GPC6: variants seen among roughly 807,000 people sequenced by gnomAD.
GPC6 encodes the protein glypican 6.
Under a neutral mutation model 55.2 loss-of-function variants are expected in GPC6, and 14 were observed. That is an observed-to-expected ratio of 0.25 (90% CI 0.17 to 0.40). The LOEUF (loss-of-function observed/expected upper bound fraction) is 0.40, where lower values mean the gene tolerates loss of function less well. Among genes scored for constraint, GPC6 ranks in the 10% least tolerant of loss-of-function variants. GPC6 has a pLI of 1.00. For synonymous variants in GPC6, 278 were observed against 259.6 expected (o/e 1.07, Z -0.68); for missense variants, 641 against 708.5 (o/e 0.90, Z 1.08).
chr13:93,542,462 C>T (rs1362922565), intron 1 of GPC6, among the ~76,000 whole-genome samples: 1 of 152,130 alleles, frequency 6.6e-6, no homozygotes, highest in African/African-American at 2.4e-5. Context: ...TAGCGTGATG[C>T]CTCCAGCTTT....
rs190536194 is a variant in GPC6, at chr13:93,691,824, A to G, written c.320-138330A>G. ...ATGCCGTGATATATTGTTAAATTTA[A>G]CTTGTTCAGTAATCAAAAAATCATG... On this transcript the variant is annotated intron_variant, in intron 2 of 8. Coordinates refer to ENST00000377047, the MANE Select transcript of GPC6 (RefSeq NM_005708.5). Among the ~76,000 whole-genome samples the G allele has an allele frequency of 1.5e-3, 235 of 152,230 alleles. 1 individual carries two copies. Among genetic ancestry groups the G allele is most frequent in the Admixed American group, 7.9e-3 (121 of 15,286 alleles).
At chr13:93,662,626 T>C (rs1880972299) in intron 2 of GPC6, among the ~76,000 whole-genome samples, 1 of 152,004 alleles carries the variant, frequency 6.6e-6, no homozygotes, top group Non-Finnish European at 1.5e-5. Flanking sequence ...GCGAGACGTC[T>C]TTCAAAAAAA....
intron 6 of GPC6, among the ~76,000 whole-genome samples, chr13:94,380,265 A>AAT (rs1192840606): frequency 6.6e-6 from 1 of 152,240 alleles, no homozygotes; most frequent in Non-Finnish European, 1.5e-5. Context: ...TCATTTTCTG[A>AAT]ACCAGATATA....
intron 2 of GPC6, among the ~76,000 whole-genome samples, chr13:93,686,197 A>G (rs1365189227): frequency 1.3e-5 from 2 of 152,170 alleles, no homozygotes; most frequent in African/African-American, 4.8e-5. Context: ...GGTTTAACCC[A>G]GTTGCCTTCA....
chr13:94,077,839 G>T (rs1211284450), intron 4 of GPC6, among the ~76,000 whole-genome samples: 4 of 151,790 alleles, frequency 2.6e-5, no homozygotes, highest in Admixed American at 1.3e-4. Context: ...CATGCTACAT[G>T]ATCTTTTTAA....
intron 4 of GPC6, among the ~76,000 whole-genome samples, chr13:94,084,050 AC>A (rs1257601061): frequency 2.6e-5 from 4 of 152,264 alleles, no homozygotes; most frequent in Non-Finnish European, 5.9e-5. Flanking sequence ...ATTACTATGT[AC>A]TGGCTATAGT....
chr13:93,285,136 G>T (rs889719879), intron 1 of GPC6, among the ~76,000 whole-genome samples: 1 of 152,288 alleles, frequency 6.6e-6, no homozygotes, highest in East Asian at 1.9e-4. Flanking sequence ...AGTCCAGTGA[G>T]TTCCGGTGAG....
chr13:93,405,061 T>C (rs1464870229), intron 1 of GPC6, among the ~76,000 whole-genome samples: 1 of 152,150 alleles, frequency 6.6e-6, no homozygotes, highest in Non-Finnish European at 1.5e-5. Flanking sequence ...TTTTAATCAG[T>C]TGGGTTTATT....
chr13:93,506,815 C>T (rs1000620931), intron 1 of GPC6, among the ~76,000 whole-genome samples: 3 of 143,792 alleles, frequency 2.1e-5, no homozygotes, highest in Non-Finnish European at 3.0e-5. Context: ...CCGAGGTGGG[C>T]GGATCGCGAT....
chr13:94,144,547 A>ATGTGTGTGTGTGTGTG (rs67016286), intron 4 of GPC6, among the ~76,000 whole-genome samples: 4 of 148,328 alleles, frequency 2.7e-5, no homozygotes, highest in African/African-American at 1.0e-4. Context: ...GTGTGTGTGT[A>ATGTGTGTGTGTGTGTG]TGTGTGTGTG....
In GPC6 at chr13:94,133,154, C is replaced by T. The variant is rs1887059308; in HGVS notation, c.877+105260C>T. On this transcript the variant is annotated intron_variant, in intron 4 of 8. Transcript: ENST00000377047. The stretch of plus-strand genomic sequence containing the variant: ...GAGTATTTACGATGGTCAGGTGCTG[C>T]ACTAAGAAAAAAGATAGAAACAAGA... Among the ~76,000 whole-genome samples the T allele has an allele frequency of 2.7e-5, 4 of 149,282 alleles. No individual in the cohort carries two copies. The Admixed American group carries it at 2.7e-4, about 10-fold the overall frequency.
intron 2 of GPC6, among the ~76,000 whole-genome samples, chr13:93,753,315 G>A (rs930481746): frequency 2.1e-4 from 32 of 152,202 alleles, no homozygotes; most frequent in Non-Finnish European, 2.4e-4. Context: ...CGGCATGTGC[G>A]TATGTATGTA....
chr13:94,245,053 A>C (rs1327501866), intron 4 of GPC6, among the ~76,000 whole-genome samples: 1 of 152,024 alleles, frequency 6.6e-6, no homozygotes, highest in African/African-American at 2.4e-5. Context: ...CTCCTCATTT[A>C]GCAAAAATTC....
intron 1 of GPC6, among the ~76,000 whole-genome samples, chr13:93,248,437 GTTT>G (rs74531292): frequency 1.5e-5 from 2 of 137,178 alleles, no homozygotes; most frequent in African/African-American, 5.3e-5. Flanking sequence ...CACAAAAAGT[GTTT>G]TTTTTTTTTT....
intron 1 of GPC6, among the ~76,000 whole-genome samples, chr13:93,243,459 A>C (rs543382593): frequency 6.6e-6 from 1 of 152,328 alleles, no homozygotes; most frequent in Admixed American, 6.5e-5. Flanking sequence ...ACTGGTCTAC[A>C]GGACTTGCAG....
chr13:93,663,023 G>T (rs1371006966), intron 2 of GPC6, among the ~76,000 whole-genome samples: 1 of 150,650 alleles, frequency 6.6e-6, no homozygotes, highest in Non-Finnish European at 1.5e-5. Flanking sequence ...ATGACATTTG[G>T]TGGGATCTAT....
chr13:93,924,953 A>C (rs1451569784), intron 3 of GPC6, among the ~76,000 whole-genome samples: 1 of 152,178 alleles, frequency 6.6e-6, no homozygotes, highest in Non-Finnish European at 1.5e-5. Context: ...CACAGTGGCC[A>C]GTTTGGATTA....
At chr13:93,890,199 T>C (rs1417811363) in intron 3 of GPC6, among the ~76,000 whole-genome samples, 4 of 152,106 alleles carry the variant, frequency 2.6e-5, no homozygotes, top group African/African-American at 9.7e-5. Flanking sequence ...AGTAGATTAT[T>C]GTATTGCGCT....
At chr13:94,013,218 G>GTATATATA (rs10644543) in intron 3 of GPC6, among the ~76,000 whole-genome samples, 7 of 150,348 alleles carry the variant, frequency 4.7e-5, no homozygotes, top group South Asian at 4.2e-4. Context: ...ATGTGTGTAT[G>GTATATATA]TATATATATA....
Sources: allele counts gnomAD v4.1 joint callset (sites outside exome capture counted in the v4.1 genomes callset), GRCh38; gene constraint gnomAD v4.1.1; transcripts MANE v1.5; gene names NCBI Gene and HGNC (gene_info 2026-07-23, HGNC 2026-07-21).